Variants in LEO1 observed in about 807,000 individuals in gnomAD.
The protein encoded by LEO1 is RNA polymerase-associated protein LEO1.
Under a neutral mutation model 80.4 loss-of-function variants are expected in LEO1, and 34 were observed. The ratio of observed to expected loss-of-function variants is 0.42; its 90% confidence interval spans 0.32 to 0.56. The LOEUF (loss-of-function observed/expected upper bound fraction) is 0.56. Among genes scored for constraint, LEO1 ranks in the 20% least tolerant of loss-of-function variants. LEO1 has a pLI of 0.10. For synonymous variants in LEO1, 262 were observed against 274.9 expected, an observed-to-expected ratio of 0.95 and a Z score of 0.46; for missense variants, 631 against 814.2, an observed-to-expected ratio of 0.77 and a Z score of 2.74.
intron 11 of LEO1, among the ~76,000 whole-genome samples, chr15:51,943,641 AG>A (rs1441246862): frequency 6.6e-6 from 1 of 151,946 alleles, no homozygotes; most frequent in African/African-American, 2.4e-5. Flanking sequence ...TGGAGGTGGC[AG>A]GGAGCCGAGA....
rs1271387941 is a variant in LEO1, at chr15:51,951,883, A to G, written c.1572T>C (p.Ala524=). The change falls in exon 9 of 12, where the codon GCT becomes GCC. Residue 524 remains alanine (A), a synonymous_variant. Transcript: ENST00000299601. Reference sequence around the variant, plus strand: ...TGCGTTGGCATTCAGGATCACGACCAGCCATTGGCAAGATTCTAATCTTCT... The same window carrying G: ...TGCGTTGGCATTCAGGATCACGACCGGCCATTGGCAAGATTCTAATCTTCT... ...KTQKIRILPM[A]GRDPECQRTE... is the part of the protein sequence containing the mutation. 4 of 1,613,896 alleles carry G rather than the reference A, an allele frequency of 2.5e-6. No individual in the cohort carries two copies. The highest frequency in any genetic ancestry group is 3.4e-6 in the Non-Finnish European group (4 of 1,179,852).
intron 1 of LEO1, among the ~76,000 whole-genome samples, chr15:51,970,211 A>T (rs2057111876): frequency 6.6e-6 from 1 of 152,182 alleles, no homozygotes; most frequent in Non-Finnish European, 1.5e-5. Context: ...GGTTGAAGTG[A>T]AGTGATGCAA....
intron 11 of LEO1, among the ~76,000 whole-genome samples, chr15:51,938,935 A>C (rs980385462): frequency 3.9e-5 from 6 of 152,256 alleles, no homozygotes; most frequent in Non-Finnish European, 8.8e-5. Context: ...CTGTAATCCC[A>C]GCACTTTGGG....
chr15:51,961,009 A>G (rs1358897031), intron 3 of LEO1, among the ~76,000 whole-genome samples: 2 of 152,120 alleles, frequency 1.3e-5, no homozygotes, highest in East Asian at 3.9e-4. Context: ...CAGGAGCCCA[A>G]ATGTTTCCTA....
At chr15:51,962,537 G>T in intron 2 of LEO1, 44 bp from the exon 3 acceptor site, 1 of 1,370,238 alleles carries the variant, frequency 7.3e-7, no homozygotes, top group Non-Finnish European at 1.0e-6. Context: ...AGTCGCATTA[G>T]TTGAATTTTG....
chr15:51,942,705 T>G (rs1428984894), intron 11 of LEO1, among the ~76,000 whole-genome samples: 3 of 151,958 alleles, frequency 2.0e-5, no homozygotes, highest in African/African-American at 7.2e-5. Context: ...GTGGATCACC[T>G]GATGTCAGGA....
rs769644261 is a variant in LEO1, at chr15:51,947,325, T to C, written c.1863A>G (p.Arg621=). Reference sequence around the variant, plus strand: ...TGGTAAGTTTCTTTGCTTTGAGTAATCTTTGAGCTTTATCTTCTTCTGATC... The same window carrying C: ...TGGTAAGTTTCTTTGCTTTGAGTAACCTTTGAGCTTTATCTTCTTCTGATC... ...DEGSEEDKAQ[R]LLKAKKLTSD... Residue 621 remains arginine, a synonymous_variant, in exon 11 of 12, where the codon AGA becomes AGG. Coordinates refer to ENST00000299601, the MANE Select transcript of LEO1 (RefSeq NM_138792.4). 6.2e-7 allele frequency: 1 copy of C among 1,613,764 alleles called. No homozygotes were observed. The highest frequency in any genetic ancestry group is 8.5e-7 in the Non-Finnish European group (1 of 1,179,654).
intron 11 of LEO1, among the ~76,000 whole-genome samples, chr15:51,939,983 C>T (rs184810394): frequency 1.3e-5 from 2 of 152,146 alleles, no homozygotes; most frequent in East Asian, 1.9e-4. Flanking sequence ...CGGCCGGGCG[C>T]GATGGCTCAC....
intron 11 of LEO1, among the ~76,000 whole-genome samples, chr15:51,938,694 T>C (rs953106158): frequency 5.3e-5 from 8 of 152,242 alleles, no homozygotes; most frequent in Non-Finnish European, 2.9e-5. Flanking sequence ...AAAAACATCA[T>C]AAAGGTTTTT....
chr15:51,970,213 G>C (rs2057111905), intron 1 of LEO1, among the ~76,000 whole-genome samples: 1 of 152,198 alleles, frequency 6.6e-6, no homozygotes, highest in South Asian at 2.1e-4. Flanking sequence ...TTGAAGTGAA[G>C]TGATGCAATC....
chr15:51,961,615 A>C (rs996383162), intron 3 of LEO1, among the ~76,000 whole-genome samples: 2 of 151,568 alleles, frequency 1.3e-5, no homozygotes, highest in African/African-American at 4.8e-5. Context: ...GCTGGTCTTG[A>C]ACTCCTGGCC....
At chr15:51,955,933 G>A (rs1242507791) in intron 6 of LEO1, among the ~76,000 whole-genome samples, 2 of 152,226 alleles carry the variant, frequency 1.3e-5, no homozygotes, top group African/African-American at 4.8e-5. Context: ...GTCTGGGGAA[G>A]CTGGGGTGGG....
At position 51,966,327 on chromosome 15, in the gene LEO1, T is replaced by C. The variant is rs565950272; in HGVS notation, c.236A>G (p.Asn79Ser). The C allele has an allele frequency of 6.2e-7, 1 of 1,614,188 alleles. No homozygotes were observed. The highest frequency in any genetic ancestry group is 2.2e-5 in the East Asian group (1 of 44,886). ...TCTATTGTCTGATCTTTCAGAGTGATTATCACTACCACTATGATGTGAAGC... is the reference window on the plus strand; with the variant it reads ...TCTATTGTCTGATCTTTCAGAGTGACTATCACTACCACTATGATGTGAAGC... ...EGASHHSGSD[N>S]HSERSDNRSE... The change falls in exon 2 of 12, where the codon AAT becomes AGT. Residue 79 changes from asparagine (N) to serine (S), a missense_variant. Physicochemically the swap from Asn to Ser is conservative, Grantham distance 46. Coordinates refer to ENST00000299601, the MANE Select transcript of LEO1 (RefSeq NM_138792.4).
At position 51,938,151 on chromosome 15, in the gene LEO1, A is replaced by G. The variant is rs1406937011; in HGVS notation, c.*5T>C. ...AATATATAAAATGTTTTCATATTTC[A>G]TACTTCAATCATCATCTTCTTCCTC... On this transcript the variant is annotated 3_prime_UTR_variant, in exon 12 of 12. Coordinates refer to ENST00000299601, the MANE Select transcript of LEO1 (RefSeq NM_138792.4). 1 of 1,458,196 alleles carries G rather than the reference A, an allele frequency of 6.9e-7. No homozygotes were observed. Among genetic ancestry groups the G allele is most frequent in the Non-Finnish European group, 9.6e-7 (1 of 1,044,596 alleles). The allele number at this position is 1,458,196 out of a possible 1,614,324, so 90.3% of individuals were successfully genotyped here.
At chr15:51,947,430 T>C in intron 10 of LEO1, 41 bp from the exon 11 acceptor site, 6 of 1,427,664 alleles carry the variant, frequency 4.2e-6, no homozygotes, top group Non-Finnish European at 4.9e-6. Flanking sequence ...CTTTTTTTTT[T>C]TCTGAGACAG....
chr15:51,954,015 C>T (rs1201267308), intron 7 of LEO1, among the ~76,000 whole-genome samples: 1 of 151,292 alleles, frequency 6.6e-6, no homozygotes, highest in African/African-American at 2.4e-5. Flanking sequence ...CTTACTGCAA[C>T]CTCCGCCTCC....
chr15:51,947,082 T>A, intron 11 of LEO1: 2 of 535,236 alleles, frequency 3.7e-6, no homozygotes, highest in Non-Finnish European at 6.6e-6. Context: ...AGAAGTCTTA[T>A]CCTCCATGCA....
rs779645883 is a variant in LEO1, at chr15:51,959,004, C to CT, written c.1161-179dup. Among the ~76,000 whole-genome samples the CT allele has an allele frequency of 9.7e-3, 1,356 of 140,338 alleles. 8 individuals carry two copies. Among genetic ancestry groups the CT allele is most frequent in the South Asian group, 0.02 (88 of 4,412 alleles). The allele number at this position is 140,338 out of a possible 152,430, so 92.1% of individuals were successfully genotyped here. On this transcript the variant is annotated intron_variant, in intron 5 of 11. Transcript: ENST00000299601. ...AAGGAAGTAGTAATTGTACTTTTTT[C>CT]TTTTTTTTTTTTTTTGAGACCGAGC...
intron 5 of LEO1, among the ~76,000 whole-genome samples, chr15:51,959,419 G>C (rs1395798237): frequency 6.6e-6 from 1 of 152,100 alleles, no homozygotes; most frequent in African/African-American, 2.4e-5. Context: ...CCAAAGAATA[G>C]GCAACATATG....
Sources: gnomAD v4.1 joint callset for allele counts (sites outside exome capture counted in the v4.1 genomes callset) on GRCh38, gnomAD v4.1.1 for gene constraint, MANE v1.5 for transcripts, NCBI Gene and HGNC (gene_info 2026-07-23, HGNC 2026-07-21) for gene names.